RHOU: variants seen among roughly 807,000 people sequenced by gnomAD.
The protein encoded by RHOU is ras homolog family member U.
RHOU carries 8 observed loss-of-function variants against 12.6 expected under a neutral mutation model. That is an observed-to-expected ratio of 0.64 (90% CI 0.37 to 1.15). The LOEUF is 1.15. Among genes scored for constraint, RHOU ranks in the 50% most tolerant of loss-of-function variants. The probability of loss-of-function intolerance (pLI) is 0.01; values close to 1 mark genes in which losing one functional copy is unlikely to be tolerated. For missense variants in RHOU, 258 were observed against 347.0 expected (o/e 0.74, Z 2.04); for synonymous variants, 161 against 147.4 (o/e 1.09, Z -0.67).
At chr1:228,678,137 T>C in the RHOU span, among the ~76,000 whole-genome samples, 2 of 152,128 alleles carry the variant, frequency 1.3e-5, no homozygotes, top group African/African-American at 4.8e-5. Flanking sequence ...AGTAGTAGAA[T>C]AGCAGATGGA....
the RHOU span, among the ~76,000 whole-genome samples, chr1:228,716,816 G>GT: frequency 6.6e-6 from 1 of 151,756 alleles, no homozygotes; most frequent in African/African-American, 2.4e-5. Flanking sequence ...CAAAAAATAT[G>GT]TTTTTTTCAG....
chr1:228,705,798 C>T, the RHOU span, among the ~76,000 whole-genome samples: 10 of 152,170 alleles, frequency 6.6e-5, no homozygotes, highest in Non-Finnish European at 1.3e-4. Flanking sequence ...AATCCCAGCA[C>T]TTCGGGAGGC....
the RHOU span, among the ~76,000 whole-genome samples, chr1:228,653,011 A>G: frequency 6.6e-6 from 1 of 152,216 alleles, no homozygotes; most frequent in East Asian, 1.9e-4. Flanking sequence ...TAAGTTCAAT[A>G]AGAATCACCT....
At chr1:228,647,912 A>G in the RHOU span, 1 of 152,224 alleles carries the variant, frequency 6.6e-6, no homozygotes. Context: ...AGTCTAAACA[A>G]GCCTGCGTCT....
At chr1:228,678,437 T>G in the RHOU span, among the ~76,000 whole-genome samples, 1 of 152,128 alleles carries the variant, frequency 6.6e-6, no homozygotes, top group Non-Finnish European at 1.5e-5. Flanking sequence ...GCTAGCTGCT[T>G]CTTTAGCTAC....
At chr1:228,695,885 C>T in the RHOU span, among the ~76,000 whole-genome samples, 1 of 152,130 alleles carries the variant, frequency 6.6e-6, no homozygotes, top group African/African-American at 2.4e-5. Flanking sequence ...TGGGGGATGG[C>T]GCTGAGAGTA....
chr1:228,677,393 G>C, the RHOU span, among the ~76,000 whole-genome samples: 1 of 152,116 alleles, frequency 6.6e-6, no homozygotes, highest in South Asian at 2.1e-4. Context: ...TATTTTCTTG[G>C]TTGGCAAGTT....
At chr1:228,742,856 G>C (rs754514969) in intron 2 of RHOU, among the ~76,000 whole-genome samples, 4 of 152,208 alleles carry the variant, frequency 2.6e-5, no homozygotes, top group Non-Finnish European at 4.4e-5. Flanking sequence ...GTTTGAGTGG[G>C]AGTCTTGAGG....
the RHOU span, among the ~76,000 whole-genome samples, chr1:228,714,740 C>CTTTTTTTTTTTTTTTTTT: frequency 1.2e-5 from 1 of 83,686 alleles, no homozygotes; most frequent in Non-Finnish European, 2.2e-5. Context: ...TGTTAATTAT[C>CTTTTTTTTTTTTTTTTTT]TTTTTTTTTT....
upstream of RHOU, among the ~76,000 whole-genome samples, chr1:228,733,879 G>A (rs1280080990): frequency 1.3e-5 from 2 of 152,212 alleles, no homozygotes; most frequent in Non-Finnish European, 2.9e-5. Flanking sequence ...AGGCAAGTCA[G>A]GTACCTGAGG....
the RHOU span, among the ~76,000 whole-genome samples, chr1:228,646,853 AAGG>A: frequency 1.9e-4 from 29 of 151,926 alleles, no homozygotes; most frequent in African/African-American, 6.8e-4. Context: ...GAAGGAGAGC[AAGG>A]AGAAGATGGA....
In RHOU at chr1:228,743,566, C is replaced by T. The variant is rs754893809; in HGVS notation, c.603C>T (p.Ile201=). The change falls in exon 3 of 3, where the codon ATC becomes ATT. Residue 201 remains isoleucine (I), a synonymous_variant. Transcript: ENST00000366691. The surrounding 1 kb of genome is among the most constrained non-coding windows in gnomAD (Gnocchi z 5.1). ...CAEEIKAASY[I]ECSALTQKNL... is the part of the protein sequence containing the mutation. ...AGGAAATCAAAGCCGCCTCCTACAT[C>T]GAGTGTTCAGCCTTGACTCAAAAAA... 49 of 1,614,028 alleles carry T rather than the reference C, an allele frequency of 3.0e-5. No individual in the cohort carries two copies. Among genetic ancestry groups the T allele is most frequent in the South Asian group, 6.6e-5 (6 of 91,078 alleles).
the RHOU span, among the ~76,000 whole-genome samples, chr1:228,654,408 A>T: frequency 6.6e-6 from 1 of 152,190 alleles, no homozygotes; most frequent in Non-Finnish European, 1.5e-5. Flanking sequence ...TATCCAGCAT[A>T]AATGGATTTT....
the RHOU span, among the ~76,000 whole-genome samples, chr1:228,717,480 G>T: frequency 6.6e-6 from 1 of 150,582 alleles, no homozygotes; most frequent in Non-Finnish European, 1.5e-5. Context: ...TAAGTAATTT[G>T]TGATCTACAC....
At chr1:228,649,501 G>T in the RHOU span, among the ~76,000 whole-genome samples, 1 of 152,160 alleles carries the variant, frequency 6.6e-6, no homozygotes, top group African/African-American at 2.4e-5. Context: ...CGCTTAAAAG[G>T]GTTAAGGGTT....
chr1:228,722,462 C>A, the RHOU span, among the ~76,000 whole-genome samples: 1 of 152,120 alleles, frequency 6.6e-6, no homozygotes, highest in Non-Finnish European at 1.5e-5. Context: ...CGTTCAATTG[C>A]CGGCCCAATA....
At chr1:228,647,573 C>T in the RHOU span, among the ~76,000 whole-genome samples, 8 of 152,220 alleles carry the variant, frequency 5.3e-5, no homozygotes, top group Non-Finnish European at 1.0e-4. Context: ...CCTGCCCGCC[C>T]CTTCCCCCGG....
the RHOU span, among the ~76,000 whole-genome samples, chr1:228,647,318 G>C: frequency 6.6e-6 from 1 of 152,216 alleles, no homozygotes; most frequent in Admixed American, 6.5e-5. Context: ...CGGTGCAGTG[G>C]GCCCCGAGAT....
rs570318512 is a variant in RHOU, at chr1:228,737,355, T to C, written c.263-318T>C. The stretch of plus-strand genomic sequence containing the variant: ...ATTTACCCCCAGTGTTGTTTTTAGG[T>C]CCTTTGAAACAAGTGTGACAGGAAA... On this transcript the variant is annotated intron_variant, in intron 1 of 2. Coordinates refer to ENST00000366691, the MANE Select transcript of RHOU (RefSeq NM_021205.6). The surrounding 1 kb of genome is among the most constrained non-coding windows in gnomAD (Gnocchi z 4.1). Among the ~76,000 whole-genome samples, 1 of 152,304 alleles carries C rather than the reference T, an allele frequency of 6.6e-6. No individual in the cohort carries two copies. The highest frequency in any genetic ancestry group is 2.4e-5 in the African/African-American group (1 of 41,572).
Sources: allele counts gnomAD v4.1 joint callset (sites outside exome capture counted in the v4.1 genomes callset), GRCh38; gene constraint gnomAD v4.1.1; non-coding constraint Gnocchi (gnomAD v3.1); transcripts MANE v1.5; gene names NCBI Gene and HGNC (gene_info 2026-07-23, HGNC 2026-07-21).